The following CHKA variants were observed in gnomAD, a reference collection of about 807,000 sequenced individuals.
CHKA encodes CHETK-alpha.
CHKA carries 34 observed loss-of-function variants against 60.1 expected under a neutral mutation model. The ratio of observed to expected loss-of-function variants is 0.57; its 90% CI spans 0.43 to 0.75. CHKA has a LOEUF of 0.75. CHKA is among the 30% of genes least tolerant of loss of function. CHKA has a pLI of 0.00. For synonymous variants in CHKA, 217 were observed against 223.1 expected (o/e 0.97, Z 0.24); for missense variants, 563 against 561.3 (o/e 1.00, Z -0.03).
intron 2 of CHKA, 139 bp downstream of exon 2, chr11:68,096,880 A>G (rs1857531048): frequency 3.7e-6 from 2 of 545,974 alleles, no homozygotes; most frequent in Non-Finnish European, 6.3e-6. Flanking sequence ...GCCCAATTAA[A>G]GTAAAAGTAA....
At chr11:68,086,206 C>T (rs2512608) in intron 2 of CHKA, among the ~76,000 whole-genome samples, 85,392 of 151,756 alleles carry the variant, frequency 0.56, 24,144 homozygotes, top group Middle Eastern at 0.7. Context: ...CTCAGCTACT[C>T]GGGAAGCTGA....
intron 1 of CHKA, among the ~76,000 whole-genome samples, chr11:68,100,800 G>GA (rs1857684985): frequency 6.6e-6 from 1 of 151,556 alleles, no homozygotes; most frequent in South Asian, 2.1e-4. Flanking sequence ...GAAGGAAACA[G>GA]AAAAAAGCAG....
chr11:68,119,043 T>C (rs751512970), intron 1 of CHKA, among the ~76,000 whole-genome samples: 3 of 152,172 alleles, frequency 2.0e-5, no homozygotes, highest in Non-Finnish European at 4.4e-5. Context: ...AGGTTTTCCA[T>C]TTCACAGACT....
At position 68,074,772 on chromosome 11, in the gene CHKA, A is replaced by G; in HGVS notation, c.575T>C (p.Leu192Pro). The G allele has an allele frequency of 6.2e-7, 1 of 1,614,230 alleles. No homozygotes were observed. Among genetic ancestry groups the G allele is most frequent in the Non-Finnish European group, 8.5e-7 (1 of 1,180,034 alleles). Reference protein sequence around the residue: ...VMFAILAERSLGPKLYGIFPQ... With the variant: ...VMFAILAERSPGPKLYGIFPQ... ...AAAGATGCCATAGAGTTTTGGCCCAAGTGACCTCTCTGCGAGAATGGCAAA... is the reference window on the plus strand; with the variant it reads ...AAAGATGCCATAGAGTTTTGGCCCAGGTGACCTCTCTGCGAGAATGGCAAA... Residue 192 changes from leucine (L) to proline (P), a missense_variant, in exon 4 of 12, where the codon CTT (leucine) becomes CCT (proline). Coordinates refer to ENST00000265689, the MANE Select transcript of CHKA (RefSeq NM_001277.3).
At chr11:68,097,509 G>A (rs369744443) in intron 1 of CHKA, among the ~76,000 whole-genome samples, 2 of 151,968 alleles carry the variant, frequency 1.3e-5, no homozygotes, top group Non-Finnish European at 2.9e-5. Context: ...GGTGGCAGGT[G>A]CCTGTAGTCC....
chr11:68,088,241 A>G (rs1857249064), intron 2 of CHKA, among the ~76,000 whole-genome samples: 1 of 151,686 alleles, frequency 6.6e-6, no homozygotes. Flanking sequence ...TATCTTCCTG[A>G]GCTGAGTACT....
intron 1 of CHKA, among the ~76,000 whole-genome samples, chr11:68,120,279 G>C (rs79792945): frequency 6.6e-6 from 1 of 151,804 alleles, no homozygotes; most frequent in Non-Finnish European, 1.5e-5. Context: ...CTTATTTTAG[G>C]AGCCACGCCT....
intron 1 of CHKA, among the ~76,000 whole-genome samples, chr11:68,120,425 T>G (rs1189734191): frequency 2.0e-5 from 3 of 152,136 alleles, no homozygotes; most frequent in Non-Finnish European, 4.4e-5. Context: ...AGAAAAAAGT[T>G]AAAAAGTGGT....
chr11:68,090,473 T>C (rs1403316114), intron 2 of CHKA, among the ~76,000 whole-genome samples: 1 of 152,190 alleles, frequency 6.6e-6, no homozygotes, highest in Non-Finnish European at 1.5e-5. Flanking sequence ...GTGACCTTAG[T>C]AACATAAAGA....
At chr11:68,069,088 C>T (rs1856534400) in intron 6 of CHKA, 151 bp from the exon 7 acceptor site, 1 of 608,412 alleles carries the variant, frequency 1.6e-6, no homozygotes, top group African/African-American at 1.8e-5. Context: ...ACAACTGCGT[C>T]ATTACGTGGC....
chr11:68,070,572 T>G, intron 5 of CHKA, 152 bp downstream of exon 5: 1 of 821,170 alleles, frequency 1.2e-6, no homozygotes, highest in Non-Finnish European at 1.9e-6. Flanking sequence ...CAAGAAAGAC[T>G]TACTTATGAG....
intron 1 of CHKA, among the ~76,000 whole-genome samples, chr11:68,119,042 ATT>A (rs1565198338): frequency 4.6e-5 from 7 of 152,328 alleles, no homozygotes; most frequent in Admixed American, 1.3e-4. Context: ...TAGGTTTTCC[ATT>A]TCACAGACTG....
At chr11:68,119,216 T>C (rs1271375650) in intron 1 of CHKA, among the ~76,000 whole-genome samples, 1 of 152,212 alleles carries the variant, frequency 6.6e-6, no homozygotes, top group East Asian at 1.9e-4. Context: ...CTCTGCTTCC[T>C]TACCAACTGC....
At chr11:68,070,321 G>C (rs1856572830) in intron 5 of CHKA, 28 bp from the exon 6 acceptor site, 1 of 1,456,548 alleles carries the variant, frequency 6.9e-7, no homozygotes, top group African/African-American at 1.4e-5. Context: ...AAAAAGAACA[G>C]AACAAAGAAT....
chr11:68,060,063 G>A (rs1252075429), intron 11 of CHKA, among the ~76,000 whole-genome samples: 1 of 144,536 alleles, frequency 6.9e-6, no homozygotes, highest in Non-Finnish European at 1.5e-5. Flanking sequence ...GTCTCGCTCT[G>A]TCGCCCAGGC....
At chr11:68,057,526 A>G (rs558324830) in intron 11 of CHKA, among the ~76,000 whole-genome samples, 48 of 152,210 alleles carry the variant, frequency 3.2e-4, no homozygotes, top group African/African-American at 1.2e-3. Flanking sequence ...TCACCGTGTT[A>G]GCCAGGATGG....
At chr11:68,084,335 CGTATATATATGT>C (rs1249128340) in intron 2 of CHKA, among the ~76,000 whole-genome samples, 3 of 130,166 alleles carry the variant, frequency 2.3e-5, no homozygotes, top group Admixed American at 1.5e-4. Context: ...TACACATATA[CGTATATATATGT>C]GTATATATAT....
intron 1 of CHKA, among the ~76,000 whole-genome samples, chr11:68,119,236 C>CT (rs1480382786): frequency 6.6e-6 from 1 of 152,152 alleles, no homozygotes; most frequent in Non-Finnish European, 1.5e-5. Context: ...CCTATTAACT[C>CT]TCACTCTTAG....
chr11:68,072,653 C>T (rs1456423429), intron 4 of CHKA, among the ~76,000 whole-genome samples: 6 of 151,570 alleles, frequency 4.0e-5, no homozygotes, highest in East Asian at 3.9e-4. Flanking sequence ...CAAACACCGG[C>T]GGCGTCATAT....
Sources: gnomAD v4.1 joint callset for allele counts (sites outside exome capture counted in the v4.1 genomes callset) on GRCh38, gnomAD v4.1.1 for gene constraint, MANE v1.5 for transcripts, NCBI Gene and HGNC (gene_info 2026-07-23, HGNC 2026-07-21) for gene names.